IMP4: variants seen among roughly 807,000 people sequenced by gnomAD.
IMP4 encodes IMP U3 small nucleolar ribonucleoprotein 4.
Under a neutral mutation model 42.7 loss-of-function variants are expected in IMP4, and 30 were observed. The observed-to-expected ratio is 0.70, with a 90% CI of 0.53 to 0.95. IMP4 has a LOEUF of 0.95. IMP4 is among the 40% of genes least tolerant of loss of function. The pLI is 0.00. For missense variants in IMP4, 382 were observed against 411.4 expected (o/e 0.93, Z 0.62); for synonymous variants, 165 against 165.2 (o/e 1.00, Z 0.01).
intron 3 of IMP4, 109 bp downstream of exon 3, chr2:130,344,821 C>A: frequency 2.6e-6 from 2 of 774,192 alleles, no homozygotes; most frequent in South Asian, 1.5e-5. Flanking sequence ...GGAACTGTCC[C>A]CCATGCCCTT....
Position 130,346,426 on chromosome 2 carries a change from C to T in IMP4, c.834C>T (p.Tyr278=). ...ACGTGGAGTGGCGCTGGCACCCTTACACCAATACCGCACGCAAGAGAGTCT... is the reference window on the plus strand; with the variant it reads ...ACGTGGAGTGGCGCTGGCACCCTTATACCAATACCGCACGCAAGAGAGTCT... ...TADVEWRWHP[Y]TNTARKRVFL... The change falls in exon 9 of 9, where the codon TAC becomes TAT. Residue 278 remains tyrosine, a synonymous_variant. Coordinates refer to ENST00000259239, the MANE Select transcript of IMP4 (RefSeq NM_033416.3). 6.4e-7 allele frequency: 1 copy of T among 1,570,190 alleles called. No individual in the cohort carries two copies. Among genetic ancestry groups the T allele is most frequent in the Non-Finnish European group, 8.6e-7 (1 of 1,157,132 alleles).
intron 2 of IMP4, 134 bp downstream of exon 2, chr2:130,343,328 AGT>A (rs1489093952): frequency 1.3e-6 from 1 of 742,298 alleles, no homozygotes; most frequent in Non-Finnish European, 2.4e-6. Context: ...TGGTTTTGAG[AGT>A]GTTTCTTCCG....
In IMP4 at chr2:130,343,118, C is replaced by T; in HGVS notation, c.36C>T (p.Tyr12=). ...LRREARLRRE[Y]LYRKAREEAQ... ...GCGAGGCCCGCCTGCGCCGCGAGTACCTGTACCGCAAGGCCCGGGAGGAGG... is the reference window on the plus strand; with the variant it reads ...GCGAGGCCCGCCTGCGCCGCGAGTATCTGTACCGCAAGGCCCGGGAGGAGG... Residue 12 remains tyrosine, a synonymous_variant, in exon 2 of 9, where the codon TAC becomes TAT. Coordinates refer to ENST00000259239, the MANE Select transcript of IMP4 (RefSeq NM_033416.3). 4 of 1,558,714 alleles carry T rather than the reference C, an allele frequency of 2.6e-6. No homozygotes were observed. Among genetic ancestry groups the T allele is most frequent in the Non-Finnish European group, 3.5e-6 (4 of 1,150,350 alleles).
At chr2:130,342,999 G>A in intron 1 of IMP4, 64 bp downstream of exon 1, 1 of 1,612,652 alleles carries the variant, frequency 6.2e-7, no homozygotes, top group Non-Finnish European at 8.5e-7. Flanking sequence ...TGTGGCTCTG[G>A]GGACTTGGAG....
chr2:130,346,029 C>T lies in IMP4; in HGVS notation c.606C>T (p.Ile202=), dbSNP rs368527142. 8 of 1,614,082 alleles carry T rather than the reference C, an allele frequency of 5.0e-6. No homozygotes were observed. The African/African-American group carries it at 6.7e-5, about 13-fold the overall frequency. ...SSRLGKRVSD[I]LRYLFPVPKD... ...TCCTTGTGCCCCAGGTCTCTGACAT[C>T]CTCCGATACCTATTTCCCGTGCCCA... Residue 202 remains isoleucine (I), a synonymous_variant, in exon 7 of 9, where the codon ATC becomes ATT. Coordinates refer to ENST00000259239, the MANE Select transcript of IMP4 (RefSeq NM_033416.3).
intron 8 of IMP4, 22 bp downstream of exon 8, chr2:130,346,296 G>A (rs779855651): frequency 4.4e-5 from 71 of 1,612,884 alleles, no homozygotes; most frequent in South Asian, 1.3e-4. Context: ...GCTGAATCCC[G>A]TGTCTGGGGT....
At position 130,343,777 on chromosome 2, in the gene IMP4, C is replaced by A. The variant is rs562923409; in HGVS notation, c.112+583C>A. On this transcript the variant is annotated intron_variant, in intron 2 of 8. Transcript: ENST00000259239. ...AAAAGAAATTCTCTCTAAAGACTAT[C>A]TGGATAGCGCTGGTGCTGCAGACTG... is the stretch of plus-strand genomic sequence containing the variant. 3.6e-4 allele frequency among the ~76,000 whole-genome samples: 54 copies of A among 151,944 alleles called. No individual in the cohort carries two copies. The South Asian group carries it at 4.6e-3, about 13-fold the overall frequency.
In IMP4 at chr2:130,345,246, G is replaced by C; in HGVS notation, c.197-130G>C. ...GTAGTTGGAGGCTGCCCTCTTGCCC[G>C]GTGTGCATGTGGAGCATTCCTATTG... On this transcript the variant is annotated intron_variant, in intron 3 of 8. Coordinates refer to ENST00000259239, the MANE Select transcript of IMP4 (RefSeq NM_033416.3). The surrounding 1 kb of genome is among the most constrained non-coding windows in gnomAD (Gnocchi z 4.9). The C allele has an allele frequency of 1.4e-6, 1 of 695,000 alleles. No individual in the cohort carries two copies. Among genetic ancestry groups the C allele is most frequent in the African/African-American group, 1.8e-5 (1 of 56,928 alleles). The allele number at this position is 695,000 out of a possible 1,614,324, so 43.1% of individuals were successfully genotyped here. A position where few individuals can be genotyped will look rare whatever the true frequency, so the allele number is the denominator to read the frequency against.
intron 1 of IMP4, 73 bp downstream of exon 1, chr2:130,343,008 A>G: frequency 2.5e-6 from 4 of 1,611,010 alleles, no homozygotes; most frequent in Non-Finnish European, 2.5e-6. Flanking sequence ...GGGGACTTGG[A>G]GGCTCAGCGG....
Position 130,344,952 on chromosome 2 carries a change from G to A in IMP4, c.196+240G>A, listed in dbSNP as rs1309009760. ...CTTGTTAATTACCTCCCCCACTGGA[G>A]TGCCTGCTGGGGAAAGACAGTGTCC... On this transcript the variant is annotated intron_variant, in intron 3 of 8. Transcript: ENST00000259239. 8.5e-6 allele frequency: 5 copies of A among 586,184 alleles called. No homozygotes were observed. In the African/African-American group the frequency reaches 9.3e-5, roughly 11 times the overall value. 36.3% of individuals were successfully genotyped at this position (586,184 alleles called of 1,614,324 possible).
At chr2:130,344,414 T>C (rs1211127855) in intron 2 of IMP4, among the ~76,000 whole-genome samples, 1 of 152,218 alleles carries the variant, frequency 6.6e-6, no homozygotes, top group Non-Finnish European at 1.5e-5. Context: ...AGTCCTCAAG[T>C]CATGAGACTA....
In IMP4 at chr2:130,345,900, C is replaced by T; in HGVS notation, c.561C>T (p.Ile187=). The change falls in exon 6 of 9, where the codon ATC becomes ATT. Residue 187 remains isoleucine, a synonymous_variant. Coordinates refer to ENST00000259239, the MANE Select transcript of IMP4 (RefSeq NM_033416.3). The surrounding 1 kb of genome is among the most constrained non-coding windows in gnomAD (Gnocchi z 4.9). ...TGTCGGAGGCCAAGCCCCACCTCAT[C>T]ACACACGGCTTCTCCTCCCGCCTGG... ...GTMSEAKPHL[I]THGFSSRLGK... is the part of the protein sequence containing the mutation. 1.2e-6 allele frequency: 2 copies of T among 1,614,208 alleles called. No individual in the cohort carries two copies. Among genetic ancestry groups the T allele is most frequent in the Non-Finnish European group, 1.7e-6 (2 of 1,180,038 alleles).
At position 130,346,111 on chromosome 2, in the gene IMP4, C is replaced by G; in HGVS notation, c.688C>G (p.Arg230Gly). The change falls in exon 7 of 9, where the codon CGG becomes GGG. Residue 230 changes from arginine to glycine, a missense_variant and splice_region_variant. By Grantham distance (125) the Arg-to-Gly change is moderately radical (BLOSUM62 -2). Transcript: ENST00000259239. ...AAACCAGGACGACTACATATCATTC[C>G]GGTGGGTCCACGGGCCATGCCCCAG... ...FANQDDYISF[R>G]HHVYKKTDHR... 6.2e-7 allele frequency: 1 copy of G among 1,614,110 alleles called. No homozygotes were observed. Among genetic ancestry groups the G allele is most frequent in the Non-Finnish European group, 8.5e-7 (1 of 1,179,936 alleles).
In IMP4 at chr2:130,346,268, C is replaced by CTGAAGCGTGAGTT; in HGVS notation, c.761_763+10dup. Reference sequence around the variant, plus strand: ...CACTGAGGTCGGGCCCCGCTTTGAGCTGAAGCGTGAGTTTGAGGCTGAATC... The same window carrying CTGAAGCGTGAGTT: ...CACTGAGGTCGGGCCCCGCTTTGAGCTGAAGCGTGAGTTTGAAGCGTGAGTTTGAGGCTGAATC... On this transcript the variant is annotated frameshift_variant, in exon 8 of 9. Coordinates refer to ENST00000259239, the MANE Select transcript of IMP4 (RefSeq NM_033416.3). LOFTEE classifies it high-confidence loss of function. The CTGAAGCGTGAGTT allele has an allele frequency of 6.2e-7, 1 of 1,614,084 alleles. No individual in the cohort carries two copies. The highest frequency in any genetic ancestry group is 8.5e-7 in the Non-Finnish European group (1 of 1,179,982).
rs777448885 is a variant in IMP4, at chr2:130,345,657, G to A, written c.397G>A (p.Val133Ile). The A allele has an allele frequency of 5.6e-6, 9 of 1,614,056 alleles. No individual in the cohort carries two copies. Among genetic ancestry groups the A allele is most frequent in the South Asian group, 3.3e-5 (3 of 91,084 alleles). The change falls in exon 5 of 9, where the codon GTC becomes ATC. Residue 133 changes from valine (V) to isoleucine (I), a missense_variant. Val to Ile is a conservative substitution (Grantham distance 29). Transcript: ENST00000259239. The surrounding 1 kb of genome is among the most constrained non-coding windows in gnomAD (Gnocchi z 4.9). ...ALVRACKANG[V>I]TDLLVVHEHR... is the part of the protein sequence containing the mutation. ...GGTGCGAGCCTGCAAAGCCAACGGC[G>A]TCACCGATCTGCTGGTCGTTCACGA...
At position 130,346,261 on chromosome 2, in the gene IMP4, C is replaced by T. The variant is rs551991236; in HGVS notation, c.750C>T (p.Arg250=). The T allele has an allele frequency of 1.2e-6, 2 of 1,614,146 alleles. No individual in the cohort carries two copies. Among genetic ancestry groups the T allele is most frequent in the African/African-American group, 1.3e-5 (1 of 75,058 alleles). The change falls in exon 8 of 9, where the codon CGC becomes CGT. Residue 250 remains arginine (R), a synonymous_variant. Coordinates refer to ENST00000259239, the MANE Select transcript of IMP4 (RefSeq NM_033416.3). ...TGGAGCTCACTGAGGTCGGGCCCCG[C>T]TTTGAGCTGAAGCGTGAGTTTGAGG... ...RNVELTEVGP[R]FELKLYMIRL...
At chr2:130,343,254 C>A in intron 2 of IMP4, 60 bp downstream of exon 2, 1 of 1,181,112 alleles carries the variant, frequency 8.5e-7, no homozygotes, top group Non-Finnish European at 1.2e-6. Context: ...CATTTGTGTT[C>A]GAATATCCGA....
intron 2 of IMP4, among the ~76,000 whole-genome samples, chr2:130,344,133 C>T (rs1679314731): frequency 6.6e-6 from 1 of 152,344 alleles, no homozygotes; most frequent in South Asian, 2.1e-4. Context: ...TCGAGACCAT[C>T]CTGGCTAACA....
chr2:130,344,460 G>A (rs1199720344), intron 2 of IMP4, among the ~76,000 whole-genome samples, 169 bp from the exon 3 acceptor site: 1 of 152,216 alleles, frequency 6.6e-6, no homozygotes, highest in Non-Finnish European at 1.5e-5. Context: ...TGTTTATGGG[G>A]GTTGGCCTGT....
Sources: gnomAD v4.1 joint callset for allele counts (sites outside exome capture counted in the v4.1 genomes callset) on GRCh38, gnomAD v4.1.1 for gene constraint, Gnocchi (gnomAD v3.1) non-coding constraint, MANE v1.5 for transcripts, NCBI Gene and HGNC (gene_info 2026-07-23, HGNC 2026-07-21) for gene names.